NSMCE2: variants seen among roughly 807,000 people sequenced by gnomAD.
NSMCE2 encodes the protein NSE2 SUMO ligase component of SMC5/6 complex, also known as E3 SUMO-protein ligase NSE2.
A neutral mutation model predicts 23.8 loss-of-function variants in NSMCE2; 24 were observed. The ratio of observed to expected loss-of-function variants is 1.01; its 90% confidence interval spans 0.73 to 1.42. The LOEUF (loss-of-function observed/expected upper bound fraction) is 1.42. NSMCE2 is among the 40% of genes most tolerant of loss of function. NSMCE2 has a pLI of 0.00. For missense variants in NSMCE2, 284 were observed against 296.5 expected, an observed-to-expected ratio of 0.96 and a Z score of 0.31; for synonymous variants, 92 against 94.1, an observed-to-expected ratio of 0.98 and a Z score of 0.13.
At chr8:125,229,421 G>A (rs1365068335) in intron 5 of NSMCE2, among the ~76,000 whole-genome samples, 4 of 152,022 alleles carry the variant, frequency 2.6e-5, no homozygotes, top group Non-Finnish European at 5.9e-5. Flanking sequence ...CCTTTCCAGT[G>A]GATTTTCTTG....
At chr8:125,239,781 T>G (rs1490390500) in intron 5 of NSMCE2, among the ~76,000 whole-genome samples, 1 of 152,164 alleles carries the variant, frequency 6.6e-6, no homozygotes, top group African/African-American at 2.4e-5. Flanking sequence ...ACTACCTGGA[T>G]TTTTCAGAAC....
At chr8:125,235,788 A>G (rs1268504167) in intron 5 of NSMCE2, among the ~76,000 whole-genome samples, 1 of 152,178 alleles carries the variant, frequency 6.6e-6, no homozygotes, top group East Asian at 1.9e-4. Context: ...ATGGTTACAT[A>G]CTCATTCTCT....
chr8:125,122,735 A>G (rs1563663632), intron 3 of NSMCE2, among the ~76,000 whole-genome samples: 1 of 152,100 alleles, frequency 6.6e-6, no homozygotes, highest in Non-Finnish European at 1.5e-5. Flanking sequence ...ACTTCTTTGC[A>G]CTCAGTTGTA....
chr8:125,154,506 A>T (rs1287081581), intron 4 of NSMCE2, among the ~76,000 whole-genome samples: 2 of 146,112 alleles, frequency 1.4e-5, no homozygotes, highest in African/African-American at 2.6e-5. Context: ...TAGTGCTCTG[A>T]AAGTTAAAAA....
chr8:125,319,465 A>G (rs986026338), intron 5 of NSMCE2, among the ~76,000 whole-genome samples: 5 of 152,242 alleles, frequency 3.3e-5, no homozygotes, highest in South Asian at 2.1e-4. Context: ...ATTGCATTCC[A>G]TATGTTCAGA....
At chr8:125,170,368 C>A (rs1822119030) in intron 4 of NSMCE2, among the ~76,000 whole-genome samples, 1 of 92,572 alleles carries the variant, frequency 1.1e-5, no homozygotes, top group Admixed American at 1.4e-4. Flanking sequence ...AAACCTTACT[C>A]TTTATTTCTT....
intron 7 of NSMCE2, among the ~76,000 whole-genome samples, chr8:125,360,984 G>A (rs946913246): frequency 2.0e-5 from 3 of 152,016 alleles, no homozygotes; most frequent in Non-Finnish European, 2.9e-5. Context: ...AGCCAAGCAC[G>A]GTAGTTAGAA....
At chr8:125,206,523 T>C (rs1044875093) in intron 5 of NSMCE2, among the ~76,000 whole-genome samples, 1 of 152,156 alleles carries the variant, frequency 6.6e-6, no homozygotes, top group African/African-American at 2.4e-5. Context: ...AGAGAATGAA[T>C]GCAAGAAGTG....
intron 5 of NSMCE2, among the ~76,000 whole-genome samples, chr8:125,282,286 G>T (rs1326222649): frequency 6.6e-6 from 1 of 151,910 alleles, no homozygotes; most frequent in Non-Finnish European, 1.5e-5. Context: ...GCAAATTTTT[G>T]TATTTTTAGT....
chr8:125,349,583 T>TAAAA (rs11359401), intron 5 of NSMCE2, among the ~76,000 whole-genome samples: 2 of 143,838 alleles, frequency 1.4e-5, no homozygotes, highest in African/African-American at 5.2e-5. Context: ...AGCTTGTATT[T>TAAAA]AAAAAAAAAA....
At chr8:125,358,945 GT>G (rs1813404999) in intron 7 of NSMCE2, among the ~76,000 whole-genome samples, 2 of 152,130 alleles carry the variant, frequency 1.3e-5, no homozygotes, top group Admixed American at 1.3e-4. Flanking sequence ...ATTTTGATCT[GT>G]TTTGAGTTTT....
At chr8:125,291,929 T>C (rs1828122398) in intron 5 of NSMCE2, among the ~76,000 whole-genome samples, 2 of 152,160 alleles carry the variant, frequency 1.3e-5, no homozygotes, top group African/African-American at 4.8e-5. Flanking sequence ...GTTTGTTCCA[T>C]AAATTTATTC....
intron 3 of NSMCE2, among the ~76,000 whole-genome samples, chr8:125,115,956 T>A (rs1818986604): frequency 6.6e-6 from 1 of 152,142 alleles, no homozygotes; most frequent in Admixed American, 6.5e-5. Flanking sequence ...AAGGGGAAAT[T>A]AGGCTCATTG....
intron 5 of NSMCE2, among the ~76,000 whole-genome samples, chr8:125,330,529 C>G (rs1829837803): frequency 6.6e-6 from 1 of 152,132 alleles, no homozygotes; most frequent in African/African-American, 2.4e-5. Flanking sequence ...CTCCTGCCCT[C>G]TTGCCAATCC....
At chr8:125,300,652 A>G (rs991362217) in intron 5 of NSMCE2, among the ~76,000 whole-genome samples, 2 of 152,192 alleles carry the variant, frequency 1.3e-5, no homozygotes, top group African/African-American at 2.4e-5. Context: ...TGAAGTTTAC[A>G]GTCTGTGGGC....
At chr8:125,357,952 G>A (rs2131369989) in intron 7 of NSMCE2, 134 bp downstream of exon 7, 1 of 648,796 alleles carries the variant, frequency 1.5e-6, no homozygotes, top group East Asian at 2.7e-5. Context: ...TGTAAACATG[G>A]AAGTGGGCTT....
At chr8:125,291,187 C>T (rs1435953101) in intron 5 of NSMCE2, among the ~76,000 whole-genome samples, 1 of 152,112 alleles carries the variant, frequency 6.6e-6, no homozygotes, top group Non-Finnish European at 1.5e-5. Context: ...GGTGTTAAAA[C>T]CCAAAGTAGC....
At chr8:125,304,993 G>GGGAA (rs1361145109) in intron 5 of NSMCE2, among the ~76,000 whole-genome samples, 4 of 149,750 alleles carry the variant, frequency 2.7e-5, no homozygotes, top group Admixed American at 2.0e-4. Flanking sequence ...GAGGGAGGGA[G>GGGAA]GGAAGGAAGG....
chr8:125,166,495 G>A (rs1195842863), intron 4 of NSMCE2, among the ~76,000 whole-genome samples: 1 of 152,168 alleles, frequency 6.6e-6, no homozygotes, highest in East Asian at 1.9e-4. Flanking sequence ...TCAAACTCCT[G>A]ACTTCAAGCG....
Sources: gnomAD v4.1 joint callset for allele counts (sites outside exome capture counted in the v4.1 genomes callset) on GRCh38, gnomAD v4.1.1 for gene constraint, MANE v1.5 for transcripts, NCBI Gene and HGNC (gene_info 2026-07-23, HGNC 2026-07-21) for gene names.